The following DENND1A variants were observed in gnomAD, a reference collection of about 807,000 sequenced individuals.
DENND1A encodes the protein DENN domain-containing protein 1A.
In DENND1A, 51 loss-of-function variants were observed where a neutral mutation model predicts 113.7. The observed-to-expected ratio is 0.45, with a 90% confidence interval of 0.36 to 0.57. The LOEUF (loss-of-function observed/expected upper bound fraction) is 0.57, where lower values mean the gene tolerates loss of function less well. Among genes scored for constraint, DENND1A ranks in the 20% least tolerant of loss-of-function variants. The pLI is 0.00. For synonymous variants in DENND1A, 565 were observed against 570.8 expected (o/e 0.99, Z 0.14); for missense variants, 1,258 against 1,395.9 (o/e 0.90, Z 1.57).
At chr9:123,472,638 C>T (rs1346567127) in intron 13 of DENND1A, among the ~76,000 whole-genome samples, 2 of 152,142 alleles carry the variant, frequency 1.3e-5, no homozygotes, top group Non-Finnish European at 2.9e-5. Context: ...ACTCAGGGCC[C>T]CTTGTCCCCC....
chr9:123,642,668 A>G (rs1367868033), intron 9 of DENND1A, among the ~76,000 whole-genome samples: 1 of 152,252 alleles, frequency 6.6e-6, no homozygotes, highest in Non-Finnish European at 1.5e-5. Context: ...CCTTGAGCAC[A>G]GTTTGAAACA....
chr9:123,643,221 G>T (rs887452721), intron 9 of DENND1A, among the ~76,000 whole-genome samples: 1 of 152,118 alleles, frequency 6.6e-6, no homozygotes, highest in Non-Finnish European at 1.5e-5. Context: ...TTTTGTTGAC[G>T]CAGTTAGGAA....
At chr9:123,446,849 G>C (rs2047343650) in intron 18 of DENND1A, among the ~76,000 whole-genome samples, 1 of 152,132 alleles carries the variant, frequency 6.6e-6, no homozygotes, top group South Asian at 2.1e-4. Context: ...GAAGATCAAA[G>C]ATTCAGAAAC....
intron 13 of DENND1A, among the ~76,000 whole-genome samples, chr9:123,475,690 G>C (rs2049854179): frequency 6.6e-6 from 1 of 152,264 alleles, no homozygotes; most frequent in Non-Finnish European, 1.5e-5. Flanking sequence ...TCGCAGGTGT[G>C]GGGAAGGCCT....
chr9:123,453,789 T>C (rs1373357239), intron 16 of DENND1A, among the ~76,000 whole-genome samples: 1 of 152,224 alleles, frequency 6.6e-6, no homozygotes, highest in Non-Finnish European at 1.5e-5. Flanking sequence ...GAAAGCATTC[T>C]ATGTTGTAGG....
chr9:123,928,853 T>G, intron 1 of DENND1A: 1 of 985,456 alleles, frequency 1.0e-6, no homozygotes, highest in Non-Finnish European at 1.2e-6. Context: ...CAAACTTTCT[T>G]GTAAGAGGGT....
chr9:123,706,878 A>G (rs2066251022), intron 5 of DENND1A, among the ~76,000 whole-genome samples: 1 of 151,486 alleles, frequency 6.6e-6, no homozygotes. Context: ...CTTAACTGAG[A>G]TGGGGAAGAC....
At chr9:123,621,379 G>A (rs1309783392) in intron 10 of DENND1A, among the ~76,000 whole-genome samples, 1 of 151,936 alleles carries the variant, frequency 6.6e-6, no homozygotes, top group African/African-American at 2.4e-5. Context: ...TAGAGATGGG[G>A]TTTCACTATG....
At chr9:123,692,567 TC>T (rs1417533103) in intron 5 of DENND1A, among the ~76,000 whole-genome samples, 5 of 152,224 alleles carry the variant, frequency 3.3e-5, no homozygotes, top group African/African-American at 1.2e-4. Flanking sequence ...TATAAGTAAT[TC>T]CCTGTGCTTT....
rs866513904 is a variant in DENND1A at position 123,915,609 on chromosome 9, G to C, written c.17+14280C>G. Among the ~76,000 whole-genome samples the C allele has an allele frequency of 1.4e-4, 22 of 152,024 alleles. 1 individual carries two copies. Among genetic ancestry groups the C allele is most frequent in the African/African-American group, 5.1e-4 (21 of 41,400 alleles). Reference sequence around the variant, plus strand: ...AATATCAGATGAGTAGAAGAGAGAAGTACTATAAAGTTACTTGTCTTTCAT... The same window carrying C: ...AATATCAGATGAGTAGAAGAGAGAACTACTATAAAGTTACTTGTCTTTCAT... On this transcript the variant is annotated intron_variant, in intron 1 of 23. Coordinates refer to ENST00000394215, the MANE Select transcript of DENND1A (RefSeq NM_001352964.2).
In DENND1A at chr9:123,473,994, T is replaced by C. The variant is rs1333596196; in HGVS notation, c.994-16097A>G. Reference sequence around the variant, plus strand: ...TAACGTTTACTTTCTTTCTTTTTTTTTTTTTTTTTTTTTTTTTTGAGATGG... The same window carrying C: ...TAACGTTTACTTTCTTTCTTTTTTTCTTTTTTTTTTTTTTTTTTGAGATGG... On this transcript the variant is annotated intron_variant, in intron 13 of 23. Transcript: ENST00000394215. 9.2e-3 allele frequency among the ~76,000 whole-genome samples: 1,224 copies of C among 133,388 alleles called. 14 individuals are homozygous for C. The highest frequency in any genetic ancestry group is 0.032 in the African/African-American group (1,151 of 35,702). 87.5% of individuals were successfully genotyped at this position (133,388 alleles called of 152,430 possible). A position where few individuals can be genotyped will look rare whatever the true frequency, so the allele number is the denominator to read the frequency against.
chr9:123,776,267 G>A (rs773235767), intron 3 of DENND1A, among the ~76,000 whole-genome samples: 13 of 152,122 alleles, frequency 8.5e-5, no homozygotes, highest in Non-Finnish European at 1.5e-4. Context: ...GGACTGCCTG[G>A]TAAATTCCCT....
intron 1 of DENND1A, among the ~76,000 whole-genome samples, chr9:123,919,629 C>G (rs1393480422): frequency 1.3e-5 from 2 of 151,898 alleles, no homozygotes; most frequent in Non-Finnish European, 2.9e-5. Context: ...CACCTGTAAT[C>G]CCAGCACTTT....
chr9:123,402,522 C>T (rs202062088), intron 21 of DENND1A: 1 of 534,840 alleles, frequency 1.9e-6, no homozygotes, highest in Admixed American at 1.9e-5. Flanking sequence ...GGGCCTCCCC[C>T]TTTCCACCCA....
At chr9:123,616,797 TAGTC>T (rs2060671835) in intron 10 of DENND1A, among the ~76,000 whole-genome samples, 1 of 152,226 alleles carries the variant, frequency 6.6e-6, no homozygotes, top group Non-Finnish European at 1.5e-5. Context: ...ACAGGCCGGT[TAGTC>T]AGTCAGTCAA....
intron 13 of DENND1A, among the ~76,000 whole-genome samples, chr9:123,552,773 C>T (rs1158738426): frequency 6.6e-6 from 1 of 152,272 alleles, no homozygotes; most frequent in Admixed American, 6.5e-5. Flanking sequence ...TGCAGACATC[C>T]CCCTGTGTCT....
At chr9:123,573,823 C>A (rs951997955) in intron 12 of DENND1A, among the ~76,000 whole-genome samples, 4 of 151,896 alleles carry the variant, frequency 2.6e-5, no homozygotes, top group Non-Finnish European at 5.9e-5. Context: ...ATAAGAAGAG[C>A]AGATACCTTT....
At chr9:123,632,188 TC>T (rs1348042885) in intron 9 of DENND1A, among the ~76,000 whole-genome samples, 5 of 152,074 alleles carry the variant, frequency 3.3e-5, no homozygotes, top group Non-Finnish European at 5.9e-5. Context: ...GGGCTGCTAC[TC>T]CCCACCCCCA....
At chr9:123,913,095 G>A (rs1383426650) in intron 1 of DENND1A, among the ~76,000 whole-genome samples, 1 of 127,144 alleles carries the variant, frequency 7.9e-6, no homozygotes, top group Admixed American at 9.0e-5. Context: ...GTCAGAGAAA[G>A]CCAGACCAAA....
Sources: gnomAD v4.1 joint callset for allele counts (sites outside exome capture counted in the v4.1 genomes callset) on GRCh38, gnomAD v4.1.1 for gene constraint, MANE v1.5 for transcripts, NCBI Gene and HGNC (gene_info 2026-07-23, HGNC 2026-07-21) for gene names.